The following SPTBN4 variants were observed in gnomAD, a reference collection of about 807,000 sequenced individuals.
SPTBN4 encodes the protein spectrin beta, non-erythrocytic 4.
Under a neutral mutation model 277.8 loss-of-function variants are expected in SPTBN4, and 96 were observed. That is an observed-to-expected ratio of 0.35 (90% CI 0.29 to 0.41). SPTBN4 has a LOEUF of 0.41. SPTBN4 is among the 10% of genes least tolerant of loss of function. SPTBN4 has a pLI of 1.00. For synonymous variants in SPTBN4, 1,481 were observed against 1,580.3 expected (o/e 0.94, Z 1.49); for missense variants, 3,006 against 3,595.7 (o/e 0.84, Z 4.19).
intron 30 of SPTBN4, 52 bp from the exon 31 acceptor site, chr19:40,567,611 A>AACCCCCCCCCG: frequency 8.4e-7 from 1 of 1,190,518 alleles, no homozygotes; most frequent in Non-Finnish European, 1.1e-6. Context: ...CCTCCCCCTT[A>AACCCCCCCCCG]CCCCGCCCCG....
In SPTBN4 at chr19:40,472,968, CT is replaced by C. The variant is rs533147638; in HGVS notation, c.169+182del. Among the ~76,000 whole-genome samples the C allele has an allele frequency of 1.9e-3, 288 of 152,308 alleles. 1 individual carries two copies. Among genetic ancestry groups the C allele is most frequent in the Middle Eastern group, 6.8e-3 (2 of 294 alleles). On this transcript the variant is annotated intron_variant, in intron 2 of 35. Transcript: ENST00000598249. ...ATATAATAATCACTAGTCTCTGTGA[CT>C]TTTGAATGCTAGAAATGTGGCCAGT...
chr19:40,531,464 GTTTTTTT>G (rs71173645), intron 18 of SPTBN4, among the ~76,000 whole-genome samples: 1 of 40,906 alleles, frequency 2.4e-5, no homozygotes. Flanking sequence ...TCCAGTGTTT[GTTTTTTT>G]TTTTTTTTTT....
Position 40,502,346 on chromosome 19 carries a change from A to C in SPTBN4, c.1085+31A>C. On this transcript the variant is annotated intron_variant, in intron 9 of 35. Transcript: ENST00000598249. This position sits in a 1 kb window ranked among gnomAD's most constrained non-coding sequence, Gnocchi z 4.9. ...GCCCAGCTCTGGAGGGAGGGTGGGC[A>C]GGGGTGGCATGACGGCAGGGCTCCT... 3 of 865,498 alleles carry C rather than the reference A, an allele frequency of 3.5e-6. No individual in the cohort carries two copies. The highest frequency in any genetic ancestry group is 5.4e-6 in the Non-Finnish European group (3 of 554,810). The allele number at this position is 865,498 out of a possible 1,614,324, so 53.6% of individuals were successfully genotyped here.
At chr19:40,516,696 T>A (rs769322814) in intron 15 of SPTBN4, among the ~76,000 whole-genome samples, 4 of 152,092 alleles carry the variant, frequency 2.6e-5, no homozygotes, top group Non-Finnish European at 4.4e-5. Flanking sequence ...TGGTGGCATG[T>A]GCCTGTAGTC....
intron 2 of SPTBN4, among the ~76,000 whole-genome samples, chr19:40,475,504 A>T (rs2079936453): frequency 6.6e-6 from 1 of 152,040 alleles, no homozygotes; most frequent in Non-Finnish European, 1.5e-5. Context: ...TCTGTTGCCC[A>T]GGCTGGAGTG....
At chr19:40,522,711 A>G (rs917346666) in intron 16 of SPTBN4, among the ~76,000 whole-genome samples, 2 of 152,094 alleles carry the variant, frequency 1.3e-5, no homozygotes, top group African/African-American at 4.8e-5. Context: ...TTTGGGGCTG[A>G]GCACACCTCA....
At chr19:40,487,060 G>A (rs1364111483) in intron 2 of SPTBN4, among the ~76,000 whole-genome samples, 1 of 149,678 alleles carries the variant, frequency 6.7e-6, no homozygotes, top group African/African-American at 2.5e-5. Flanking sequence ...TTTTTGAGAA[G>A]GAGTCTTGCC....
Position 40,519,821 on chromosome 19 carries a change from G to A in SPTBN4, c.3324G>A (p.Gln1108=). The stretch of plus-strand genomic sequence containing the variant: ...TCCTGGACTGGCTCGTGCGCGCCCA[G>A]GAGGCGGCGGGCGGCAGCGAGGGGC... ...DAFLDWLVRA[Q]EAAGGSEGPL... Residue 1108 remains glutamine (Q), a synonymous_variant, in exon 16 of 36, where the codon CAG becomes CAA. Coordinates refer to ENST00000598249, the MANE Select transcript of SPTBN4 (RefSeq NM_020971.3). The surrounding 1 kb of genome is among the most constrained non-coding windows in gnomAD (Gnocchi z 5.7). The A allele has an allele frequency of 2.8e-6, 4 of 1,434,198 alleles. No individual in the cohort carries two copies. The highest frequency in any genetic ancestry group is 3.6e-6 in the Non-Finnish European group (4 of 1,106,784). 88.8% of individuals were successfully genotyped at this position (1,434,198 alleles called of 1,614,324 possible). A position where few individuals can be genotyped will look rare whatever the true frequency, so the allele number is the denominator to read the frequency against.
chr19:40,546,411 C>T (rs2080861026), intron 20 of SPTBN4, among the ~76,000 whole-genome samples: 1 of 151,846 alleles, frequency 6.6e-6, no homozygotes, highest in Non-Finnish European at 1.5e-5. Context: ...TGATGTCATT[C>T]ATGTATGCAT....
chr19:40,567,910 T>C lies in SPTBN4; in HGVS notation c.6584T>C (p.Leu2195Pro), dbSNP rs1034381862. The change falls in exon 31 of 36, where the codon CTG becomes CCG. Residue 2195 changes from leucine to proline, a missense_variant. Transcript: ENST00000598249. ...CGCCTCCAGCCGCGCATTGACCGGCTGCCGGAGATCCCGGGGAGGGTGGAG... is the reference window on the plus strand; with the variant it reads ...CGCCTCCAGCCGCGCATTGACCGGCCGCCGGAGATCCCGGGGAGGGTGGAG... ...PERLQPRIDRLPEIPGRVEPA... is the reference protein window; with the variant it reads ...PERLQPRIDRPPEIPGRVEPA... 11 of 1,522,588 alleles carry C rather than the reference T, an allele frequency of 7.2e-6. No homozygotes were observed. The African/African-American group carries it at 8.7e-5, about 12-fold the overall frequency. 94.3% of individuals were successfully genotyped at this position (1,522,588 alleles called of 1,614,324 possible).
intron 20 of SPTBN4, 74 bp downstream of exon 20, chr19:40,534,417 G>T: frequency 6.5e-7 from 1 of 1,536,090 alleles, no homozygotes. Flanking sequence ...CCCCACTCAA[G>T]GTATGTCAAG....
At position 40,512,871 on chromosome 19, in the gene SPTBN4, A is replaced by G; in HGVS notation, c.2082A>G (p.Thr694=). The stretch of plus-strand genomic sequence containing the variant: ...GCGGCGCGCATGACCTGTCCAGCAC[A>G]GCGCGCCTCCTGGCCCAGCACAAGA... ...TAGGAHDLSS[T]ARLLAQHKIL... The change falls in exon 14 of 36, where the codon ACA becomes ACG. Residue 694 remains threonine (T), a synonymous_variant. Coordinates refer to ENST00000598249, the MANE Select transcript of SPTBN4 (RefSeq NM_020971.3). The G allele has an allele frequency of 1.4e-6, 2 of 1,446,238 alleles. No individual in the cohort carries two copies. The highest frequency in any genetic ancestry group is 1.8e-6 in the Non-Finnish European group (2 of 1,111,694). 89.6% of individuals were successfully genotyped at this position (1,446,238 alleles called of 1,614,324 possible).
At position 40,554,246 on chromosome 19, in the gene SPTBN4, G is replaced by A. The variant is rs1022876357; in HGVS notation, c.4774G>A (p.Val1592Met). ...GCTGCGCAGCCCGGAGGCAGAGGCA[G>A]TGCGCCGGGGCCTGGAGCAGCTGCA... ...ASLRSPEAEA[V>M]RRGLEQLQSA... Residue 1592 changes from valine to methionine, a missense_variant, in exon 23 of 36, where the codon GTG (valine) becomes ATG (methionine). Around this residue, in one of 5 missense-constraint regions of SPTBN4, gnomAD observed 1,759 missense variants for 2,061.5 expected, o/e 0.85. Coordinates refer to ENST00000598249, the MANE Select transcript of SPTBN4 (RefSeq NM_020971.3). The surrounding 1 kb of genome is among the most constrained non-coding windows in gnomAD (Gnocchi z 5.7). 7.2e-6 allele frequency: 11 copies of A among 1,526,334 alleles called. No individual in the cohort carries two copies. The African/African-American group carries it at 1.5e-4, about 21-fold the overall frequency. 94.5% of individuals were successfully genotyped at this position (1,526,334 alleles called of 1,614,324 possible).
At chr19:40,470,187 T>A (rs1297683051) in intron 1 of SPTBN4, among the ~76,000 whole-genome samples, 1 of 150,578 alleles carries the variant, frequency 6.6e-6, no homozygotes, top group Non-Finnish European at 1.5e-5. Flanking sequence ...TTAGTAGAGA[T>A]GGAGTTTCAC....
intron 2 of SPTBN4, among the ~76,000 whole-genome samples, chr19:40,479,385 A>G (rs1248768674): frequency 6.6e-6 from 1 of 152,006 alleles, no homozygotes; most frequent in Non-Finnish European, 1.5e-5. Flanking sequence ...ACTGTCATTG[A>G]TCTGTGTGAC....
intron 20 of SPTBN4, chr19:40,534,778 A>G (rs2145901859): frequency 5.7e-6 from 1 of 174,902 alleles, no homozygotes; most frequent in East Asian, 1.5e-4. Flanking sequence ...TGGTACTGTT[A>G]TTATCCTGTT....
At position 40,554,411 on chromosome 19, in the gene SPTBN4, G is replaced by A. The variant is rs1432087833; in HGVS notation, c.4939G>A (p.Glu1647Lys). 1.3e-6 allele frequency: 2 copies of A among 1,576,848 alleles called. No individual in the cohort carries two copies. Among genetic ancestry groups the A allele is most frequent in the Non-Finnish European group, 1.7e-6 (2 of 1,160,468 alleles). ...CGAGCAGGAGCTGCTCATGATGAGT[G>A]AGGACAAGGGCAAGGTGCGCCCGAG... ...LGEQELLMMS[E>K]DKGKDEQSTL... Residue 1647 changes from glutamate to lysine, a missense_variant, in exon 23 of 36, where the codon GAG becomes AAG. Glu to Lys is a moderately conservative substitution (Grantham distance 56, BLOSUM62 1). Coordinates refer to ENST00000598249, the MANE Select transcript of SPTBN4 (RefSeq NM_020971.3). This position sits in a 1 kb window ranked among gnomAD's most constrained non-coding sequence, Gnocchi z 5.7.
At chr19:40,529,212 G>GGAC in intron 18 of SPTBN4, 81 bp downstream of exon 18, 1 of 1,325,394 alleles carries the variant, frequency 7.5e-7, no homozygotes, top group South Asian at 1.2e-5. Context: ...GTGGGGGTGG[G>GGAC]GACGCCCCGT....
Position 40,515,512 on chromosome 19 carries a change from C to G in SPTBN4, c.2903+64C>G. ...CCTTCCACACTCACACAGCCATGGA[C>G]AGCAAGATGTGCAATCTCAAACCCC... On this transcript the variant is annotated intron_variant, in intron 15 of 35. Transcript: ENST00000598249. This position sits in a 1 kb window ranked among gnomAD's most constrained non-coding sequence, Gnocchi z 4.1. The G allele has an allele frequency of 6.9e-7, 1 of 1,455,202 alleles. No homozygotes were observed. Among genetic ancestry groups the G allele is most frequent in the Non-Finnish European group, 9.1e-7 (1 of 1,097,994 alleles). The allele number at this position is 1,455,202 out of a possible 1,614,324, so 90.1% of individuals were successfully genotyped here. A position where few individuals can be genotyped will look rare whatever the true frequency, so the allele number is the denominator to read the frequency against.
Sources: allele counts gnomAD v4.1 joint callset (sites outside exome capture counted in the v4.1 genomes callset), GRCh38; gene constraint gnomAD v4.1.1; regional missense constraint gnomAD v4.1.1; non-coding constraint Gnocchi (gnomAD v3.1); transcripts MANE v1.5; gene names NCBI Gene and HGNC (gene_info 2026-07-23, HGNC 2026-07-21).